Variants in MTR observed in about 807,000 individuals in gnomAD.
The protein encoded by MTR is 5-methyltetrahydrofolate-homocysteine methyltransferase, also known as methionine synthase.
Under a neutral mutation model 154.8 loss-of-function variants are expected in MTR, and 84 were observed. The ratio of observed to expected loss-of-function variants is 0.54; its 90% CI spans 0.45 to 0.65. The LOEUF is 0.65. Ranked by LOEUF, MTR falls within the 30% of genes least tolerant of loss-of-function variation. The probability of loss-of-function intolerance (pLI) is 0.00; values close to 1 mark genes in which losing one functional copy is unlikely to be tolerated. For missense variants in MTR, 1,275 were observed against 1,570.2 expected, an observed-to-expected ratio of 0.81 and a Z score of 3.18; for synonymous variants, 554 against 553.9, an observed-to-expected ratio of 1.00 and a Z score of 0.00.
At chr1:236,804,862 T>C (rs1660889359) in intron 2 of MTR, among the ~76,000 whole-genome samples, 1 of 152,164 alleles carries the variant, frequency 6.6e-6, no homozygotes, top group South Asian at 2.1e-4. Context: ...CTCATAGTAC[T>C]CTGTGTATGT....
intron 20 of MTR, 85 bp from the exon 21 acceptor site, chr1:236,862,151 A>G: frequency 9.2e-7 from 1 of 1,087,510 alleles, no homozygotes; most frequent in South Asian, 1.2e-5. Flanking sequence ...ATGCATTCCT[A>G]ATGTGTGCCC....
chr1:236,892,016 C>T (rs1405032781), intron 29 of MTR, among the ~76,000 whole-genome samples: 1 of 152,120 alleles, frequency 6.6e-6, no homozygotes, highest in Non-Finnish European at 1.5e-5. Context: ...TCTCTCATCC[C>T]CCCCACCTTT....
chr1:236,814,872 T>C (rs901412558), intron 6 of MTR, among the ~76,000 whole-genome samples: 7 of 152,218 alleles, frequency 4.6e-5, no homozygotes, highest in Admixed American at 6.5e-5. Context: ...ATTGATTTAG[T>C]AACTTTCCAT....
At chr1:236,805,798 G>T (rs148389110) in intron 2 of MTR, among the ~76,000 whole-genome samples, 1 of 152,140 alleles carries the variant, frequency 6.6e-6, no homozygotes, top group Non-Finnish European at 1.5e-5. Context: ...ATGCCTGGCT[G>T]ATGTGTTACC....
At chr1:236,876,638 T>A (rs1454115341) in intron 24 of MTR, among the ~76,000 whole-genome samples, 1 of 152,210 alleles carries the variant, frequency 6.6e-6, no homozygotes, top group East Asian at 1.9e-4. Flanking sequence ...CTCAGAAATT[T>A]GCTTCTTGTG....
In MTR at chr1:236,825,845, A is replaced by T. The variant is rs754201517; in HGVS notation, c.927+446A>T. On this transcript the variant is annotated intron_variant, in intron 10 of 32. Transcript: ENST00000366577. ...ACCATACTATCCACTGCTGCTTCTT[A>T]TTGCACTTAGCTACTAATCCCTGGG... Among the ~76,000 whole-genome samples, 43 of 152,232 alleles carry T rather than the reference A, an allele frequency of 2.8e-4. 1 individual carries two copies. Among genetic ancestry groups the T allele is most frequent in the Admixed American group, 9.2e-4 (14 of 15,298 alleles).
intron 30 of MTR, chr1:236,895,110 A>G (rs1241424765): frequency 1.8e-6 from 1 of 545,826 alleles, no homozygotes; most frequent in Admixed American, 3.1e-5. Flanking sequence ...TTTAAGGTCT[A>G]AAATCTTTAG....
chr1:236,795,632 C>T lies in MTR; in HGVS notation c.-72C>T, dbSNP rs566622972. The T allele has an allele frequency of 1.9e-6, 3 of 1,608,144 alleles. No individual in the cohort carries two copies. The highest frequency in any genetic ancestry group is 2.7e-5 in the African/African-American group (2 of 74,884). Reference sequence around the variant, plus strand: ...TCGCCTGGCGCTGGCTGGCGTGGCCCTTGGCCGTCGTCACCTGTGGAGAGC... The same window carrying T: ...TCGCCTGGCGCTGGCTGGCGTGGCCTTTGGCCGTCGTCACCTGTGGAGAGC... On this transcript the variant is annotated 5_prime_UTR_variant, in exon 1 of 33. Coordinates refer to ENST00000366577, the MANE Select transcript of MTR (RefSeq NM_000254.3).
At chr1:236,829,080 G>T (rs1370711701) in intron 11 of MTR, 109 bp from the exon 12 acceptor site, 3 of 837,432 alleles carry the variant, frequency 3.6e-6, no homozygotes, top group East Asian at 2.7e-5. Context: ...TATATGTATA[G>T]TTATGTTAAA....
intron 19 of MTR, among the ~76,000 whole-genome samples, chr1:236,860,246 G>A (rs1664458878): frequency 6.6e-6 from 1 of 152,158 alleles, no homozygotes; most frequent in African/African-American, 2.4e-5. Flanking sequence ...CCAAGTGTTA[G>A]TAGCGCCGAG....
intron 28 of MTR, among the ~76,000 whole-genome samples, chr1:236,890,036 T>G (rs1159984343): frequency 6.6e-6 from 1 of 152,006 alleles, no homozygotes; most frequent in Non-Finnish European, 1.5e-5. Flanking sequence ...GCAAAGCCAT[T>G]CAAAGGATCA....
At chr1:236,878,073 T>TA (rs1665528995) in intron 24 of MTR, among the ~76,000 whole-genome samples, 1 of 152,162 alleles carries the variant, frequency 6.6e-6, no homozygotes, top group Admixed American at 6.5e-5. Flanking sequence ...TTATAGTAGT[T>TA]ACAAGTCCTT....
chr1:236,835,442 CTG>C, intron 13 of MTR, 103 bp from the exon 14 acceptor site: 2 of 1,410,928 alleles, frequency 1.4e-6, no homozygotes, highest in Non-Finnish European at 2.0e-6. Context: ...GCGAGGTAGT[CTG>C]TGTAATTTGA....
chr1:236,851,526 T>C (rs1663903109), intron 16 of MTR, among the ~76,000 whole-genome samples: 1 of 152,208 alleles, frequency 6.6e-6, no homozygotes, highest in African/African-American at 2.4e-5. Flanking sequence ...CATCTTAACA[T>C]ACATGCACAA....
chr1:236,806,721 C>T (rs1572186646), intron 3 of MTR, among the ~76,000 whole-genome samples: 1 of 152,190 alleles, frequency 6.6e-6, no homozygotes, highest in Admixed American at 6.5e-5. Context: ...AAACTCTGTA[C>T]CCATTAAACA....
At chr1:236,892,777 T>C (rs1370678647) in intron 29 of MTR, among the ~76,000 whole-genome samples, 1 of 152,196 alleles carries the variant, frequency 6.6e-6, no homozygotes, top group Non-Finnish European at 1.5e-5. Flanking sequence ...TTTACAGACA[T>C]AACTGTTCAA....
At chr1:236,823,433 A>G (rs778349356) in intron 8 of MTR, among the ~76,000 whole-genome samples, 3 of 152,238 alleles carry the variant, frequency 2.0e-5, no homozygotes, top group Non-Finnish European at 2.9e-5. Flanking sequence ...TATATTAACT[A>G]AACTGCAGAC....
chr1:236,863,390 T>A, intron 21 of MTR, 64 bp from the exon 22 acceptor site: 1 of 1,311,454 alleles, frequency 7.6e-7, no homozygotes, highest in Non-Finnish European at 1.1e-6. Flanking sequence ...TGCCTGGCTC[T>A]GGAGAACTAG....
chr1:236,808,761 ACT>A lies in MTR; in HGVS notation c.401_402del (p.Leu134ProfsTer5). 1 of 1,614,008 alleles carries A rather than the reference ACT, an allele frequency of 6.2e-7. No individual in the cohort carries two copies. The highest frequency in any genetic ancestry group is 8.5e-7 in the Non-Finnish European group (1 of 1,179,972). On this transcript the variant is annotated frameshift_variant, in exon 4 of 33. Coordinates refer to ENST00000366577, the MANE Select transcript of MTR (RefSeq NM_000254.3). LOFTEE classifies it high-confidence loss of function. The stretch of plus-strand genomic sequence containing the variant: ...GGCCAGAAAAGCTGCCGAGGAGGTA[ACT>A]CTCCAGACAGGTAGGGAATGTTCTT... The part of the protein sequence containing the change: ...GVARKAAEEV[T>X]LQTGIKRFVA...
Sources: gnomAD v4.1 joint callset for allele counts (sites outside exome capture counted in the v4.1 genomes callset) on GRCh38, gnomAD v4.1.1 for gene constraint, MANE v1.5 for transcripts, NCBI Gene and HGNC (gene_info 2026-07-23, HGNC 2026-07-21) for gene names.